LYPD6: variants seen among roughly 807,000 people sequenced by gnomAD.
LYPD6 encodes ly6/PLAUR domain-containing protein 6.
Under a neutral mutation model 22.7 loss-of-function variants are expected in LYPD6, and 15 were observed. That is an observed-to-expected ratio of 0.66 (90% CI 0.44 to 1.02). The LOEUF is 1.02. Ranked by LOEUF, LYPD6 falls within the 50% of genes least tolerant of loss-of-function variation. The pLI, the probability that LYPD6 is intolerant of heterozygous loss-of-function variation, is 0.00. For missense variants in LYPD6, 189 were observed against 208.4 expected, an observed-to-expected ratio of 0.91 and a Z score of 0.57; for synonymous variants, 72 against 77.5, an observed-to-expected ratio of 0.93 and a Z score of 0.37.
At chr2:149,378,375 C>T (rs1235864233) in intron 1 of LYPD6, among the ~76,000 whole-genome samples, 2 of 152,196 alleles carry the variant, frequency 1.3e-5, no homozygotes, top group Non-Finnish European at 2.9e-5. Flanking sequence ...GCCCTGGCCT[C>T]CCAAAGTGCT....
At chr2:149,453,096 C>T (rs1263912559) in intron 3 of LYPD6, among the ~76,000 whole-genome samples, 1 of 152,210 alleles carries the variant, frequency 6.6e-6, no homozygotes, top group African/African-American at 2.4e-5. Flanking sequence ...GATCTCTGAG[C>T]ACTTCCTTTG....
intron 1 of LYPD6, among the ~76,000 whole-genome samples, chr2:149,356,213 G>A (rs571779903): frequency 7.9e-5 from 12 of 151,930 alleles, no homozygotes; most frequent in African/African-American, 2.2e-4. Flanking sequence ...TTATGCCAGC[G>A]TTTAGGACTG....
chr2:149,422,953 C>A (rs1416918457), intron 1 of LYPD6, among the ~76,000 whole-genome samples: 1 of 152,114 alleles, frequency 6.6e-6, no homozygotes, highest in Non-Finnish European at 1.5e-5. Flanking sequence ...TTTCTCTAAG[C>A]CCTTTTATTT....
At chr2:149,438,611 A>G (rs1162644520) in intron 2 of LYPD6, among the ~76,000 whole-genome samples, 1 of 152,234 alleles carries the variant, frequency 6.6e-6, no homozygotes, top group Non-Finnish European at 1.5e-5. Flanking sequence ...TCTGTTTAAC[A>G]AATATAGTTT....
At chr2:149,365,957 A>G (rs968656999) in intron 1 of LYPD6, among the ~76,000 whole-genome samples, 1 of 152,152 alleles carries the variant, frequency 6.6e-6, no homozygotes, top group African/African-American at 2.4e-5. Context: ...ATTCTGATAG[A>G]TCTTATAACC....
chr2:149,388,776 TCTC>T (rs1333320399), intron 1 of LYPD6, among the ~76,000 whole-genome samples: 1 of 152,210 alleles, frequency 6.6e-6, no homozygotes, highest in East Asian at 1.9e-4. Context: ...CTTTTCCTCT[TCTC>T]TGTGTTGGTA....
At chr2:149,414,132 T>C (rs1682912676) in intron 1 of LYPD6, among the ~76,000 whole-genome samples, 1 of 152,240 alleles carries the variant, frequency 6.6e-6, no homozygotes, top group Admixed American at 6.5e-5. Flanking sequence ...CTTTGATAGA[T>C]GTTCAGTTAA....
chr2:149,391,627 G>A (rs1682311952), intron 1 of LYPD6, among the ~76,000 whole-genome samples: 1 of 151,998 alleles, frequency 6.6e-6, no homozygotes, highest in African/African-American at 2.4e-5. Context: ...CTTCTAGAAG[G>A]GCAAATATTT....
At chr2:149,437,343 C>T (rs1022883865) in intron 1 of LYPD6, among the ~76,000 whole-genome samples, 9 of 152,078 alleles carry the variant, frequency 5.9e-5, no homozygotes, top group Non-Finnish European at 8.8e-5. Context: ...CATCCCCTGG[C>T]CTCCTAGCAA....
At chr2:149,448,984 C>G in intron 2 of LYPD6, 65 bp from the exon 3 acceptor site, 1 of 1,235,098 alleles carries the variant, frequency 8.1e-7, no homozygotes, top group Non-Finnish European at 1.1e-6. Context: ...ATGAAAATGT[C>G]TTAACTTCAC....
chr2:149,365,421 A>G (rs1489449051), intron 1 of LYPD6, among the ~76,000 whole-genome samples: 2 of 152,218 alleles, frequency 1.3e-5, no homozygotes, highest in Non-Finnish European at 2.9e-5. Flanking sequence ...TCTGATTTCA[A>G]GTTCAGAGTT....
At chr2:149,403,043 C>T (rs2105111225) in intron 1 of LYPD6, among the ~76,000 whole-genome samples, 1 of 152,152 alleles carries the variant, frequency 6.6e-6, no homozygotes, top group South Asian at 2.1e-4. Flanking sequence ...ATCCATGTCC[C>T]TACAAAGGAC....
chr2:149,408,261 C>G (rs1449641504), intron 1 of LYPD6, among the ~76,000 whole-genome samples: 1 of 152,112 alleles, frequency 6.6e-6, no homozygotes, highest in Non-Finnish European at 1.5e-5. Flanking sequence ...CTGTTCTCCT[C>G]AAAGCTGTCA....
intron 3 of LYPD6, among the ~76,000 whole-genome samples, chr2:149,466,823 C>G (rs563726840): frequency 1.3e-5 from 2 of 150,614 alleles, no homozygotes; most frequent in African/African-American, 4.9e-5. Flanking sequence ...AGTAAAACCT[C>G]TGGCAGCTGC....
intron 4 of LYPD6, among the ~76,000 whole-genome samples, chr2:149,470,319 T>C (rs528985197): frequency 6.6e-6 from 1 of 152,210 alleles, no homozygotes; most frequent in African/African-American, 2.4e-5. Flanking sequence ...TTACCCTCTC[T>C]TCCTCAAGTA....
At chr2:149,448,914 T>C (rs1683746821) in intron 2 of LYPD6, 135 bp from the exon 3 acceptor site, 4 of 630,042 alleles carry the variant, frequency 6.3e-6, no homozygotes, top group Non-Finnish European at 1.1e-5. Flanking sequence ...TGCTGGGTCA[T>C]ATGGTAGTTG....
At chr2:149,382,579 G>T (rs1378531642) in intron 1 of LYPD6, among the ~76,000 whole-genome samples, 4 of 152,224 alleles carry the variant, frequency 2.6e-5, no homozygotes, top group South Asian at 2.1e-4. Context: ...GTTGACGTCA[G>T]TCAGCATTTC....
At chr2:149,367,481 G>A (rs897195030) in intron 1 of LYPD6, among the ~76,000 whole-genome samples, 6 of 152,082 alleles carry the variant, frequency 3.9e-5, no homozygotes, top group Non-Finnish European at 8.8e-5. Context: ...TAGAACAGCC[G>A]ACACTAAAGG....
At chr2:149,395,416 A>T (rs1257257772) in intron 1 of LYPD6, among the ~76,000 whole-genome samples, 1 of 152,200 alleles carries the variant, frequency 6.6e-6, no homozygotes, top group Non-Finnish European at 1.5e-5. Context: ...TTAAATGTAT[A>T]TATGAATTTT....
Sources: gnomAD v4.1 joint callset for allele counts (sites outside exome capture counted in the v4.1 genomes callset) on GRCh38, gnomAD v4.1.1 for gene constraint, MANE v1.5 for transcripts, NCBI Gene and HGNC (gene_info 2026-07-23, HGNC 2026-07-21) for gene names.